Variants in PPM1B observed in about 807,000 individuals in gnomAD.
The protein encoded by PPM1B is protein phosphatase, Mg2+/Mn2+ dependent 1B, also known as protein phosphatase 1B.
A neutral mutation model predicts 43.0 loss-of-function variants in PPM1B; 22 were observed. That is an observed-to-expected ratio of 0.51 (90% CI 0.37 to 0.73). PPM1B has a LOEUF of 0.73. Ranked by LOEUF, PPM1B falls within the 30% of genes least tolerant of loss-of-function variation. The probability of loss-of-function intolerance (pLI) is 0.00; values close to 1 mark genes in which losing one functional copy is unlikely to be tolerated. For missense variants in PPM1B, 632 were observed against 584.2 expected, an observed-to-expected ratio of 1.08 and a Z score of -0.84; for synonymous variants, 217 against 197.9, an observed-to-expected ratio of 1.10 and a Z score of -0.81.
At chr2:44,232,091 A>G (rs17032055), downstream of PPM1B, among the ~76,000 whole-genome samples, 8,002 of 152,262 alleles carry the variant, frequency 0.053, 683 homozygotes, top group African/African-American at 0.18. Flanking sequence ...AAAGGAAGGC[A>G]TTTGATGGAG....
intron 1 of PPM1B, among the ~76,000 whole-genome samples, chr2:44,169,962 C>G (rs549900900): frequency 6.6e-6 from 1 of 152,146 alleles, no homozygotes; most frequent in Non-Finnish European, 1.5e-5. Context: ...GACTGACTAG[C>G]CATATGTGGT....
At chr2:44,178,235 T>C (rs187979916) in intron 1 of PPM1B, among the ~76,000 whole-genome samples, 2 of 152,166 alleles carry the variant, frequency 1.3e-5, no homozygotes, top group East Asian at 1.9e-4. Context: ...ACATTTTGTC[T>C]AGTCTTTTTT....
chr2:44,217,930 C>T (rs1158989239), intron 3 of PPM1B, 37 bp from the exon 4 acceptor site: 1 of 1,392,606 alleles, frequency 7.2e-7, no homozygotes, highest in Non-Finnish European at 9.9e-7. Context: ...ACTGGCTTAT[C>T]ACATTAATTT....
intron 5 of PPM1B, chr2:44,244,102 T>A (rs932871239): frequency 7.3e-6 from 2 of 275,144 alleles, no homozygotes; most frequent in Non-Finnish European, 1.3e-5. Context: ...TGAACCCCCC[T>A]CCTCAGTATA....
downstream of PPM1B, among the ~76,000 whole-genome samples, chr2:44,231,808 T>G (rs1670477153): frequency 6.6e-6 from 1 of 152,152 alleles, no homozygotes; most frequent in Non-Finnish European, 1.5e-5. Flanking sequence ...ATTAAGAAAT[T>G]GAACAATTAT....
intron 3 of PPM1B, among the ~76,000 whole-genome samples, chr2:44,217,513 T>C (rs1669778731): frequency 6.6e-6 from 1 of 152,238 alleles, no homozygotes; most frequent in African/African-American, 2.4e-5. Context: ...AAACTTTTAT[T>C]ATCCTTTAGT....
chr2:44,228,027 T>C (rs1394694235), intron 5 of PPM1B, among the ~76,000 whole-genome samples: 1 of 150,146 alleles, frequency 6.7e-6, no homozygotes, highest in Admixed American at 6.7e-5. Flanking sequence ...GTTCAAGCGA[T>C]TCTCCTGCCT....
At chr2:44,215,294 A>C (rs575684922) in intron 3 of PPM1B, among the ~76,000 whole-genome samples, 1 of 152,252 alleles carries the variant, frequency 6.6e-6, no homozygotes, top group East Asian at 1.9e-4. Flanking sequence ...ATAGAGCTAC[A>C]AAAAAGTTTT....
In PPM1B at chr2:44,230,796, G is replaced by C; in HGVS notation, c.*78G>C. The stretch of plus-strand genomic sequence containing the variant: ...GTGTAATGTATGCATTTATATAACT[G>C]TTTTGTTATTTGAATCTTGGAAAAC... On this transcript the variant is annotated 3_prime_UTR_variant, in exon 6 of 6. Transcript: ENST00000282412. 6.6e-7 allele frequency: 1 copy of C among 1,511,270 alleles called. No individual in the cohort carries two copies. Among genetic ancestry groups the C allele is most frequent in the Non-Finnish European group, 8.8e-7 (1 of 1,131,382 alleles). The allele number at this position is 1,511,270 out of a possible 1,614,324, so 93.6% of individuals were successfully genotyped here. A position where few individuals can be genotyped will look rare whatever the true frequency, so the allele number is the denominator to read the frequency against.
At chr2:44,229,805 T>C (rs551536526) in intron 5 of PPM1B, among the ~76,000 whole-genome samples, 2 of 152,310 alleles carry the variant, frequency 1.3e-5, no homozygotes, top group Admixed American at 6.5e-5. Flanking sequence ...CAAAATTCAC[T>C]AAAATATGAA....
downstream of PPM1B, among the ~76,000 whole-genome samples, chr2:44,246,032 T>C (rs531217595): frequency 8.8e-4 from 134 of 152,320 alleles, no homozygotes; most frequent in African/African-American, 2.9e-3. Context: ...TTCCAGCATA[T>C]TCTCTTTTCT....
At chr2:44,230,288 TG>T in intron 5 of PPM1B, 124 bp from the exon 6 acceptor site, 1 of 1,494,336 alleles carries the variant, frequency 6.7e-7, no homozygotes, top group African/African-American at 1.4e-5. Flanking sequence ...TTTAATAAAA[TG>T]TTCTCATGCT....
chr2:44,180,619 G>GT (rs926994183), intron 1 of PPM1B, among the ~76,000 whole-genome samples: 14 of 150,316 alleles, frequency 9.3e-5, no homozygotes, highest in African/African-American at 1.7e-4. Flanking sequence ...AATTACTTTT[G>GT]TTTTTTTTTG....
At chr2:44,187,059 C>T (rs899765727) in intron 1 of PPM1B, among the ~76,000 whole-genome samples, 4 of 152,224 alleles carry the variant, frequency 2.6e-5, no homozygotes, top group Admixed American at 1.3e-4. Context: ...AACTGAAACT[C>T]TATGCCCATT....
At chr2:44,232,991 A>T (rs902391462), downstream of PPM1B, 1 of 980,906 alleles carries the variant, frequency 1.0e-6, no homozygotes, top group Non-Finnish European at 1.2e-6. Flanking sequence ...AATTTTATGC[A>T]TGTATCTACT....
At chr2:44,215,082 C>T (rs930155602) in intron 3 of PPM1B, among the ~76,000 whole-genome samples, 2 of 151,978 alleles carry the variant, frequency 1.3e-5, no homozygotes, top group African/African-American at 2.4e-5. Flanking sequence ...GGAGAGATAA[C>T]AAATATGTAA....
At chr2:44,184,388 A>G (rs1359860316) in intron 1 of PPM1B, among the ~76,000 whole-genome samples, 2 of 151,966 alleles carry the variant, frequency 1.3e-5, no homozygotes, top group Non-Finnish European at 2.9e-5. Context: ...ATTCTCAGTA[A>G]TTTTTACTGC....
At chr2:44,246,843 TTTA>T (rs1670860066), downstream of PPM1B, among the ~76,000 whole-genome samples, 1 of 152,218 alleles carries the variant, frequency 6.6e-6, no homozygotes, top group African/African-American at 2.4e-5. Context: ...TGGTTTTGTT[TTTA>T]TTGTTGTTTT....
intron 1 of PPM1B, among the ~76,000 whole-genome samples, chr2:44,192,717 A>G (rs2104080978): frequency 6.6e-6 from 1 of 152,018 alleles, no homozygotes; most frequent in Non-Finnish European, 1.5e-5. Context: ...ACATCTCCCC[A>G]TTTTGCACCA....
Sources: allele counts gnomAD v4.1 joint callset (sites outside exome capture counted in the v4.1 genomes callset), GRCh38; gene constraint gnomAD v4.1.1; transcripts MANE v1.5; gene names NCBI Gene and HGNC (gene_info 2026-07-23, HGNC 2026-07-21).